Variants in SVEP1 observed in about 807,000 individuals in gnomAD.
The protein encoded by SVEP1 is sushi, von Willebrand factor type A, EGF and pentraxin domain containing 1.
In SVEP1, 164 loss-of-function variants were observed where a neutral mutation model predicts 367.3. That is an observed-to-expected ratio of 0.45 (90% CI 0.39 to 0.51). The LOEUF (loss-of-function observed/expected upper bound fraction) is 0.51. Among genes scored for constraint, SVEP1 ranks in the 20% least tolerant of loss-of-function variants. The pLI is 0.00. For synonymous variants in SVEP1, 1,666 were observed against 1,611.6 expected, an observed-to-expected ratio of 1.03 and a Z score of -0.81; for missense variants, 4,117 against 4,425.3, an observed-to-expected ratio of 0.93 and a Z score of 1.98.
intron 40 of SVEP1, among the ~76,000 whole-genome samples, chr9:110,395,286 A>C (rs1218764979): frequency 6.6e-6 from 1 of 152,198 alleles, no homozygotes; most frequent in Non-Finnish European, 1.5e-5. Flanking sequence ...AAAATCCTTT[A>C]CAGACAAGCA....
intron 5 of SVEP1, among the ~76,000 whole-genome samples, chr9:110,504,264 GTTAGC>G (rs1341654708): frequency 6.6e-6 from 1 of 151,176 alleles, no homozygotes; most frequent in Non-Finnish European, 1.5e-5. Context: ...GTTTAATTGT[GTTAGC>G]CAGGATGGTC....
chr9:110,502,962 G>T, intron 6 of SVEP1, 76 bp downstream of exon 6: 1 of 1,477,514 alleles, frequency 6.8e-7, no homozygotes, highest in Non-Finnish European at 9.1e-7. Context: ...TTTAGTTTTA[G>T]GTCTTCACAG....
chr9:110,554,824 G>A (rs996431411), intron 1 of SVEP1, among the ~76,000 whole-genome samples: 8 of 151,880 alleles, frequency 5.3e-5, no homozygotes, highest in African/African-American at 1.9e-4. Flanking sequence ...ATAATACTTG[G>A]AACAAAGTGA....
At chr9:110,550,512 ATCTATCTATCTATCTG>A (rs1271515817) in intron 1 of SVEP1, among the ~76,000 whole-genome samples, 37 of 151,004 alleles carry the variant, frequency 2.5e-4, no homozygotes, top group East Asian at 1.2e-3. Context: ...CTATCTATCT[ATCTATCTATCTATCTG>A]TCTATCATCT....
At chr9:110,409,700 CTT>C (rs1364954523) in intron 37 of SVEP1, among the ~76,000 whole-genome samples, 1 of 152,072 alleles carries the variant, frequency 6.6e-6, no homozygotes, top group Non-Finnish European at 1.5e-5. Flanking sequence ...ATGGGTATGT[CTT>C]AAGAATACTA....
chr9:110,502,413 A>G (rs1299108166), intron 6 of SVEP1, among the ~76,000 whole-genome samples: 2 of 152,010 alleles, frequency 1.3e-5, no homozygotes, highest in Non-Finnish European at 2.9e-5. Flanking sequence ...GAAAAATTCT[A>G]TTTTTGAATT....
chr9:110,406,447 C>T lies in SVEP1; in HGVS notation c.9153G>A (p.Gln3051=). ...CACAGTGGGGGAACCCAGAGCTCCACTGGCCATCGGCTTCACAGGTGATTT... is the reference window on the plus strand; with the variant it reads ...CACAGTGGGGGAACCCAGAGCTCCATTGGCCATCGGCTTCACAGGTGATTT... ...LSEITCEADG[Q]WSSGFPHCEH... The change falls in exon 38 of 48, where the codon CAG becomes CAA. Residue 3051 remains glutamine (Q), a synonymous_variant. Coordinates refer to ENST00000374469, the MANE Select transcript of SVEP1 (RefSeq NM_153366.4). 1.2e-6 allele frequency: 2 copies of T among 1,614,060 alleles called. No homozygotes were observed. The highest frequency in any genetic ancestry group is 1.7e-6 in the Non-Finnish European group (2 of 1,179,904).
chr9:110,545,734 A>G (rs1195100973), intron 3 of SVEP1, among the ~76,000 whole-genome samples: 1 of 152,162 alleles, frequency 6.6e-6, no homozygotes, highest in African/African-American at 2.4e-5. Context: ...TTCTGAACCT[A>G]GGCTTCAAGG....
chr9:110,404,874 A>C (rs1827932305), intron 38 of SVEP1, among the ~76,000 whole-genome samples: 1 of 152,062 alleles, frequency 6.6e-6, no homozygotes, highest in African/African-American at 2.4e-5. Flanking sequence ...AAAATAAACA[A>C]AATTAGCTGG....
intron 43 of SVEP1, among the ~76,000 whole-genome samples, chr9:110,382,760 T>C (rs1194719928): frequency 6.6e-6 from 1 of 152,228 alleles, no homozygotes; most frequent in African/African-American, 2.4e-5. Context: ...TTTTGTTCAT[T>C]CCTTTCATTC....
Position 110,579,609 on chromosome 9 carries a change from C to T in SVEP1, c.-66G>A. On this transcript the variant is annotated 5_prime_UTR_variant, in exon 1 of 48. Coordinates refer to ENST00000374469, the MANE Select transcript of SVEP1 (RefSeq NM_153366.4). This position sits in a 1 kb window ranked among gnomAD's most constrained non-coding sequence, Gnocchi z 5.3. ...GGCTCGGGCGGGAAGAGGCGCTGGGCGGCCGGACTCGCAGAGGGGCGTGCG... is the reference window on the plus strand; with the variant it reads ...GGCTCGGGCGGGAAGAGGCGCTGGGTGGCCGGACTCGCAGAGGGGCGTGCG... The T allele has an allele frequency of 2.7e-6, 4 of 1,458,764 alleles. No individual in the cohort carries two copies. Among genetic ancestry groups the T allele is most frequent in the African/African-American group, 3.0e-5 (2 of 66,990 alleles). The allele number at this position is 1,458,764 out of a possible 1,614,324, so 90.4% of individuals were successfully genotyped here.
rs1025490312 is a variant in SVEP1 at position 110,483,675 on chromosome 9, A to C, written c.1949T>G (p.Ile650Arg). The change falls in exon 10 of 48, where the codon ATA becomes AGA. Residue 650 changes from isoleucine (I) to arginine (R), a missense_variant. Physicochemically the swap from Ile to Arg is moderately conservative, Grantham distance 97. Transcript: ENST00000374469. ...IKVIDAEPPV[I>R]DWCRSPPPVQ... ...GGGAGGTGGAGATCTGCACCAGTCT[A>C]TGACAGGTGGTTCTGCATCTGAAGA... 6.9e-6 allele frequency: 11 copies of C among 1,602,668 alleles called. No individual in the cohort carries two copies. Among genetic ancestry groups the C allele is most frequent in the African/African-American group, 1.3e-5 (1 of 74,232 alleles).
At chr9:110,528,156 G>GTGTGTGTGTGTGTGTATATATATATATA in intron 3 of SVEP1, among the ~76,000 whole-genome samples, 3 of 33,940 alleles carry the variant, frequency 8.8e-5, no homozygotes, top group Non-Finnish European at 1.1e-4. Flanking sequence ...GTGTGTGTGT[G>GTGTGTGTGTGTGTGTATATATATATATA]TATATATATA....
At chr9:110,464,701 T>C (rs1232997483) in intron 18 of SVEP1, among the ~76,000 whole-genome samples, 1 of 152,202 alleles carries the variant, frequency 6.6e-6, no homozygotes, top group Non-Finnish European at 1.5e-5. Flanking sequence ...AGCTTCTTCA[T>C]TTCTCAGTTG....
intron 31 of SVEP1, 142 bp downstream of exon 31, chr9:110,432,320 T>A: frequency 9.0e-7 from 1 of 1,113,422 alleles, no homozygotes; most frequent in Non-Finnish European, 1.3e-6. Context: ...ATACAGCTGC[T>A]TTGTCACTAT....
At chr9:110,511,848 C>G (rs1829721776) in intron 5 of SVEP1, among the ~76,000 whole-genome samples, 1 of 151,970 alleles carries the variant, frequency 6.6e-6, no homozygotes, top group African/African-American at 2.4e-5. Flanking sequence ...AAGAAAAGAC[C>G]AGAAGACAGA....
At chr9:110,492,935 C>T (rs959173825) in intron 8 of SVEP1, among the ~76,000 whole-genome samples, 2 of 152,066 alleles carry the variant, frequency 1.3e-5, no homozygotes, top group African/African-American at 4.8e-5. Flanking sequence ...CTGCATCTCT[C>T]CTGGTGAATT....
At chr9:110,387,844 A>G (rs1351849078) in intron 41 of SVEP1, among the ~76,000 whole-genome samples, 1 of 152,256 alleles carries the variant, frequency 6.6e-6, no homozygotes, top group Non-Finnish European at 1.5e-5. Flanking sequence ...CAAATAAAAT[A>G]GAGGATGCCC....
intron 5 of SVEP1, among the ~76,000 whole-genome samples, chr9:110,510,388 A>C (rs1481681963): frequency 1.3e-5 from 2 of 152,184 alleles, no homozygotes; most frequent in African/African-American, 2.4e-5. Flanking sequence ...CATAACATGC[A>C]TGGTGACTGT....
Sources: allele counts gnomAD v4.1 joint callset (sites outside exome capture counted in the v4.1 genomes callset), GRCh38; gene constraint gnomAD v4.1.1; non-coding constraint Gnocchi (gnomAD v3.1); transcripts MANE v1.5; gene names NCBI Gene and HGNC (gene_info 2026-07-23, HGNC 2026-07-21).